GPHN: variants seen among roughly 807,000 people sequenced by gnomAD.
GPHN encodes the protein gephyrin.
A neutral mutation model predicts 95.5 loss-of-function variants in GPHN; 17 were observed. That is an observed-to-expected ratio of 0.18 (90% CI 0.12 to 0.27). The LOEUF (loss-of-function observed/expected upper bound fraction) is 0.27, where lower values mean the gene tolerates loss of function less well. GPHN is among the 10% of genes least tolerant of loss of function. The probability of loss-of-function intolerance (pLI) is 1.00; values close to 1 mark genes in which losing one functional copy is unlikely to be tolerated. For missense variants in GPHN, 660 were observed against 978.1 expected (o/e 0.67, Z 4.34); for synonymous variants, 320 against 322.5 (o/e 0.99, Z 0.08).
intron 10 of GPHN, among the ~76,000 whole-genome samples, chr14:67,034,968 C>A (rs1287719150): frequency 1.3e-5 from 2 of 152,056 alleles, no homozygotes; most frequent in Non-Finnish European, 2.9e-5. Context: ...AATACACATT[C>A]TTTCCTAGCA....
chr14:66,932,858 G>C (rs1385407239), intron 8 of GPHN, among the ~76,000 whole-genome samples: 2 of 152,030 alleles, frequency 1.3e-5, no homozygotes, highest in Non-Finnish European at 2.9e-5. Context: ...AAAATTATTT[G>C]AGTGACCCAT....
intron 2 of GPHN, among the ~76,000 whole-genome samples, chr14:66,767,441 GAAAAA>G (rs375844697): frequency 1.0e-5 from 1 of 96,882 alleles, no homozygotes. Context: ...TTTTTGAACA[GAAAAA>G]AAAAAAAAAA....
intron 21 of GPHN, among the ~76,000 whole-genome samples, chr14:67,176,809 GTGTA>G (rs1180320992): frequency 6.6e-6 from 1 of 152,176 alleles, no homozygotes; most frequent in African/African-American, 2.4e-5. Flanking sequence ...TCTTGGGAGG[GTGTA>G]TGTGTCCAGG....
intron 9 of GPHN, among the ~76,000 whole-genome samples, chr14:67,013,367 G>C (rs1201794243): frequency 6.6e-6 from 1 of 151,970 alleles, no homozygotes; most frequent in East Asian, 1.9e-4. Flanking sequence ...GGACCTACAG[G>C]TATAGGGCTT....
intron 1 of GPHN, among the ~76,000 whole-genome samples, chr14:66,636,648 G>T (rs945699750): frequency 6.6e-6 from 1 of 151,968 alleles, no homozygotes; most frequent in African/African-American, 2.4e-5. Context: ...GTTCAATGTG[G>T]ATTTCAGAGG....
chr14:66,548,661 A>T (rs1280251430), intron 1 of GPHN, among the ~76,000 whole-genome samples: 1 of 152,222 alleles, frequency 6.6e-6, no homozygotes, highest in East Asian at 1.9e-4. Context: ...GCCAGATAAT[A>T]ATCCTACAGT....
chr14:67,327,434 ACTT>A, the GPHN span, among the ~76,000 whole-genome samples: 2 of 150,934 alleles, frequency 1.3e-5, no homozygotes, highest in South Asian at 4.2e-4. Flanking sequence ...AGGACGGATC[ACTT>A]TTTTTTTTTC....
At chr14:66,795,105 TAGAC>T (rs1346927867) in intron 3 of GPHN, among the ~76,000 whole-genome samples, 2 of 152,086 alleles carry the variant, frequency 1.3e-5, no homozygotes, top group African/African-American at 2.4e-5. Context: ...AATAAATAGA[TAGAC>T]AGATAGAGAG....
the GPHN span, among the ~76,000 whole-genome samples, chr14:67,655,186 AAAC>A: frequency 6.6e-6 from 1 of 151,946 alleles, no homozygotes; most frequent in African/African-American, 2.4e-5. Flanking sequence ...CAAAAAATTA[AAAC>A]AATTAGCCAG....
chr14:67,491,693 C>T, the GPHN span, among the ~76,000 whole-genome samples: 1 of 152,194 alleles, frequency 6.6e-6, no homozygotes, highest in African/African-American at 2.4e-5. Flanking sequence ...CTCAAAGCCC[C>T]CAGTTCTTCT....
At chr14:66,681,710 T>C (rs539460975) in intron 2 of GPHN, among the ~76,000 whole-genome samples, 4 of 152,316 alleles carry the variant, frequency 2.6e-5, no homozygotes, top group Middle Eastern at 3.4e-3. Flanking sequence ...TCCCATTCTT[T>C]ATTGGCATAT....
rs2070971432 is a variant in GPHN, at chr14:66,985,594, T to G, written c.963+20269T>G. On this transcript the variant is annotated intron_variant, in intron 9 of 22. Coordinates refer to ENST00000478722, the MANE Select transcript of GPHN (RefSeq NM_020806.5). ...ACCACAGAGAGTCAATTGATGTTTT[T>G]GCATGTATTACTTACTAATGTATAG... The G allele has an allele frequency of 1.0e-5, 8 of 779,262 alleles. No individual in the cohort carries two copies. In the South Asian group the frequency reaches 1.2e-4, roughly 12 times the overall value. The allele number at this position is 779,262 out of a possible 1,614,324, so 48.3% of individuals were successfully genotyped here.
chr14:67,390,735 C>T, the GPHN span: 4 of 1,612,038 alleles, frequency 2.5e-6, no homozygotes, highest in Non-Finnish European at 8.5e-7. Context: ...TCCAGTTTTT[C>T]CTCTTGTGTC....
At chr14:67,225,060 C>T in the GPHN span, 14 of 1,281,890 alleles carry the variant, frequency 1.1e-5, no homozygotes, top group African/African-American at 7.6e-5. Context: ...TTCTTTCTCA[C>T]TTCCTCTCTA....
the GPHN span, among the ~76,000 whole-genome samples, chr14:67,210,469 G>C: frequency 6.6e-6 from 1 of 152,034 alleles, no homozygotes; most frequent in Non-Finnish European, 1.5e-5. Context: ...AGCTATGTTA[G>C]TAATAAGGAA....
chr14:67,569,072 C>A, the GPHN span: 1 of 1,110,382 alleles, frequency 9.0e-7, no homozygotes, highest in Non-Finnish European at 1.4e-6. Flanking sequence ...TTTTCCTGCA[C>A]ATGCCTGGAG....
At chr14:67,408,295 T>TAAATAAAATAAAATA in the GPHN span, among the ~76,000 whole-genome samples, 1,507 of 116,690 alleles carry the variant, frequency 0.013, 27 homozygotes, top group African/African-American at 0.039. Context: ...TCAAAATAAA[T>TAAATAAAATAAAATA]AAATAAAATA....
chr14:67,245,177 C>T, the GPHN span, among the ~76,000 whole-genome samples: 1 of 152,170 alleles, frequency 6.6e-6, no homozygotes, highest in Admixed American at 6.5e-5. Flanking sequence ...TGTTTTAAGC[C>T]ACTAAATTTG....
At chr14:66,899,395 A>C (rs1451175221) in intron 5 of GPHN, among the ~76,000 whole-genome samples, 2 of 151,768 alleles carry the variant, frequency 1.3e-5, no homozygotes, top group African/African-American at 2.4e-5. Context: ...TTAGTTGTAC[A>C]TTTCTTATAA....
Sources: allele counts gnomAD v4.1 joint callset (sites outside exome capture counted in the v4.1 genomes callset), GRCh38; gene constraint gnomAD v4.1.1; transcripts MANE v1.5; gene names NCBI Gene and HGNC (gene_info 2026-07-23, HGNC 2026-07-21).